The following SLC6A5 variants were observed in gnomAD, a reference collection of about 807,000 sequenced individuals.
SLC6A5 encodes the protein sodium- and chloride-dependent glycine transporter 2.
Under a neutral mutation model 90.5 loss-of-function variants are expected in SLC6A5, and 58 were observed. The ratio of observed to expected loss-of-function variants is 0.64; its 90% CI spans 0.52 to 0.80. SLC6A5 has a LOEUF of 0.80. SLC6A5 is among the 30% of genes least tolerant of loss of function. SLC6A5 has a pLI of 0.00. For missense variants in SLC6A5, 1,015 were observed against 1,017.6 expected (o/e 1.00, Z 0.03); for synonymous variants, 427 against 401.4 (o/e 1.06, Z -0.76).
chr11:20,615,340 T>A (rs1852764458), intron 6 of SLC6A5, among the ~76,000 whole-genome samples: 1 of 152,160 alleles, frequency 6.6e-6, no homozygotes, highest in Admixed American at 6.5e-5. Flanking sequence ...TTTAGTGAAG[T>A]TCATAAAATT....
chr11:20,648,786 T>C (rs1853470777), intron 14 of SLC6A5, among the ~76,000 whole-genome samples: 1 of 152,218 alleles, frequency 6.6e-6, no homozygotes, highest in South Asian at 2.1e-4. Context: ...TATTATACTC[T>C]GGAATAACAT....
At chr11:20,634,150 G>A (rs774364408) in intron 10 of SLC6A5, among the ~76,000 whole-genome samples, 5 of 152,186 alleles carry the variant, frequency 3.3e-5, no homozygotes, top group South Asian at 2.1e-4. Context: ...GATTACAGGC[G>A]TGAGCCACCG....
intron 1 of SLC6A5, 95 bp from the exon 2 acceptor site, chr11:20,601,034 C>G (rs1031719534): frequency 7.8e-7 from 1 of 1,287,892 alleles, no homozygotes; most frequent in African/African-American, 1.5e-5. Flanking sequence ...GATATTGTGT[C>G]TGGACCTGAG....
chr11:20,623,219 C>G (rs1446467955), intron 7 of SLC6A5, among the ~76,000 whole-genome samples: 1 of 152,200 alleles, frequency 6.6e-6, no homozygotes, highest in Non-Finnish European at 1.5e-5. Context: ...TGCAGTCCAC[C>G]TCTGGCAGGT....
intron 13 of SLC6A5, among the ~76,000 whole-genome samples, chr11:20,639,648 C>T (rs189659871): frequency 1.2e-4 from 19 of 152,172 alleles, no homozygotes; most frequent in African/African-American, 2.4e-4. Context: ...TAGCCTCCAC[C>T]GAAGAGGTGC....
intron 13 of SLC6A5, among the ~76,000 whole-genome samples, chr11:20,642,450 T>A (rs998315696): frequency 1.1e-4 from 16 of 152,146 alleles, no homozygotes; most frequent in African/African-American, 3.6e-4. Flanking sequence ...ATAATAGCCA[T>A]GAGTTCACCA....
At chr11:20,630,914 A>G in intron 10 of SLC6A5, 99 bp downstream of exon 10, 1 of 1,404,858 alleles carries the variant, frequency 7.1e-7, no homozygotes, top group Non-Finnish European at 9.9e-7. Flanking sequence ...CTTCTGGAAC[A>G]GGATAGAGGG....
chr11:20,615,158 G>A (rs1328158376), intron 6 of SLC6A5, among the ~76,000 whole-genome samples: 1 of 152,172 alleles, frequency 6.6e-6, no homozygotes, highest in African/African-American at 2.4e-5. Flanking sequence ...AGGGAAGAGA[G>A]ACAAAAAGAA....
intron 5 of SLC6A5, 30 bp downstream of exon 5, chr11:20,607,682 G>A (rs1852611867): frequency 6.4e-7 from 1 of 1,568,952 alleles, no homozygotes; most frequent in Non-Finnish European, 8.8e-7. Flanking sequence ...CTTTAGGTGT[G>A]TGTATTCTAA....
In SLC6A5 at chr11:20,643,954, C is replaced by T. The variant is rs1853361440; in HGVS notation, c.1970-2880C>T. 2.0e-5 allele frequency among the ~76,000 whole-genome samples: 3 copies of T among 152,020 alleles called. No individual in the cohort carries two copies. In the South Asian group the frequency reaches 6.2e-4, roughly 32 times the overall value. On this transcript the variant is annotated intron_variant, in intron 13 of 15. Coordinates refer to ENST00000525748, the MANE Select transcript of SLC6A5 (RefSeq NM_004211.5). ...GAGGGCTGTGAAGGGTCTCAGGATCCATTATTTTGATAGTCGTGTCTGGAG... is the reference window on the plus strand; with the variant it reads ...GAGGGCTGTGAAGGGTCTCAGGATCTATTATTTTGATAGTCGTGTCTGGAG...
At chr11:20,643,828 A>G (rs1212249644) in intron 13 of SLC6A5, among the ~76,000 whole-genome samples, 1 of 152,156 alleles carries the variant, frequency 6.6e-6, no homozygotes, top group Non-Finnish European at 1.5e-5. Flanking sequence ...GCGGCCCTCC[A>G]TGGTGGCTGC....
rs749146260 is a variant in SLC6A5, at chr11:20,607,045, G to T, written c.718G>T (p.Ala240Ser). ...CCCTTACCTGATGATGCTGGCTCTG[G>T]CTGGATTACCCATCTTCTTCTTGGA... Reference protein sequence around the residue: ...LIPYLMMLALAGLPIFFLEVS... With the variant: ...LIPYLMMLALSGLPIFFLEVS... Residue 240 changes from alanine to serine, a missense_variant, in exon 4 of 16, where the codon GCT becomes TCT. Coordinates refer to ENST00000525748, the MANE Select transcript of SLC6A5 (RefSeq NM_004211.5). 16 of 1,613,894 alleles carry T rather than the reference G, an allele frequency of 9.9e-6. No individual in the cohort carries two copies. Among genetic ancestry groups the T allele is most frequent in the Admixed American group, 8.3e-5 (5 of 59,988 alleles).
intron 7 of SLC6A5, among the ~76,000 whole-genome samples, chr11:20,622,154 G>A (rs879589607): frequency 2.0e-5 from 3 of 152,168 alleles, no homozygotes; most frequent in Admixed American, 2.0e-4. Context: ...TGTGGAAACA[G>A]GTGCATTCTG....
Position 20,655,181 on chromosome 11 carries a change from G to T in SLC6A5, c.*313G>T, listed in dbSNP as rs1853620782. 7 of 392,194 alleles carry T rather than the reference G, an allele frequency of 1.8e-5. No homozygotes were observed. The highest frequency in any genetic ancestry group is 1.5e-4 in the South Asian group (7 of 47,980). The allele number at this position is 392,194 out of a possible 1,614,324, so 24.3% of individuals were successfully genotyped here. A position where few individuals can be genotyped will look rare whatever the true frequency, so the allele number is the denominator to read the frequency against. ...AGCACTGGTAGGTATGCGTGGTTTT[G>T]TCAATAGAGAGGTATCCACTGTGTG... On this transcript the variant is annotated 3_prime_UTR_variant, in exon 16 of 16. Transcript: ENST00000525748.
chr11:20,608,815 G>A lies in SLC6A5; in HGVS notation c.985+1163G>A, dbSNP rs139373909. 6.8e-3 allele frequency among the ~76,000 whole-genome samples: 1,042 copies of A among 152,164 alleles called. 5 individuals carry two copies. Among genetic ancestry groups the A allele is most frequent in the Non-Finnish European group, 0.01 (691 of 68,000 alleles). ...ATTTAACCCTTCAAGTATATTAAGGGCAAAAATATGAATTCTTCCCTCTCG... is the reference window on the plus strand; with the variant it reads ...ATTTAACCCTTCAAGTATATTAAGGACAAAAATATGAATTCTTCCCTCTCG... On this transcript the variant is annotated intron_variant, in intron 5 of 15. Coordinates refer to ENST00000525748, the MANE Select transcript of SLC6A5 (RefSeq NM_004211.5).
chr11:20,653,510 G>A (rs778562849), intron 15 of SLC6A5, among the ~76,000 whole-genome samples: 25 of 152,182 alleles, frequency 1.6e-4, no homozygotes, highest in Admixed American at 1.4e-3. Flanking sequence ...TCCCATTGAG[G>A]CTCTGGAGGG....
intron 1 of SLC6A5, among the ~76,000 whole-genome samples, chr11:20,600,345 GAAGAAGAAGAAGAAGAA>G (rs1852437902): frequency 4.2e-5 from 3 of 71,346 alleles, no homozygotes; most frequent in Admixed American, 1.7e-4. Context: ...GGAAGAAGAA[GAAGAAGAAGAAGAAGAA>G]GAAGAAGAAG....
intron 11 of SLC6A5, 102 bp from the exon 12 acceptor site, chr11:20,637,070 A>T: frequency 7.7e-7 from 1 of 1,290,620 alleles, no homozygotes; most frequent in African/African-American, 1.4e-5. Context: ...AACCAAACCT[A>T]ACACAAATAC....
At chr11:20,601,902 C>G (rs907738097) in intron 2 of SLC6A5, among the ~76,000 whole-genome samples, 1 of 152,218 alleles carries the variant, frequency 6.6e-6, no homozygotes, top group African/African-American at 2.4e-5. Flanking sequence ...CCCTTCCCAG[C>G]CTTGGCGGTA....
Sources: allele counts gnomAD v4.1 joint callset (sites outside exome capture counted in the v4.1 genomes callset), GRCh38; gene constraint gnomAD v4.1.1; transcripts MANE v1.5; gene names NCBI Gene and HGNC (gene_info 2026-07-23, HGNC 2026-07-21).